The following SPRED2 variants were observed in gnomAD, a reference collection of about 807,000 sequenced individuals.
The protein encoded by SPRED2 is sprouty-related, EVH1 domain-containing protein 2.
A neutral mutation model predicts 43.0 loss-of-function variants in SPRED2; 47 were observed. That is an observed-to-expected ratio of 1.09 (90% CI 0.87 to 1.40). The LOEUF (loss-of-function observed/expected upper bound fraction) is 1.40. Ranked by LOEUF, SPRED2 falls within the 40% of genes most tolerant of loss-of-function variation. SPRED2 has a pLI of 0.00. For missense variants in SPRED2, 561 were observed against 586.4 expected (o/e 0.96, Z 0.45); for synonymous variants, 225 against 225.7 (o/e 1.00, Z 0.03).
At chr2:65,380,541 A>G (rs936306006) in intron 1 of SPRED2, 2 of 152,250 alleles carry the variant, frequency 1.3e-5, no homozygotes, top group Admixed American at 6.5e-5. Flanking sequence ...TTAAAATTTC[A>G]GTGGCTCAAA....
chr2:65,308,399 C>A, downstream of SPRED2: 3 of 985,440 alleles, frequency 3.0e-6, no homozygotes, highest in Non-Finnish European at 3.6e-6. Context: ...TGTGAACATA[C>A]CTGGAGGGGT....
chr2:65,381,891 C>T (rs534411376), intron 1 of SPRED2, among the ~76,000 whole-genome samples: 1 of 152,258 alleles, frequency 6.6e-6, no homozygotes, highest in Non-Finnish European at 1.5e-5. Flanking sequence ...ACCACACACA[C>T]CTTTTTCCTA....
chr2:65,312,202 A>C lies in SPRED2; in HGVS notation c.*1299T>G. 1 of 985,748 alleles carries C rather than the reference A, an allele frequency of 1.0e-6. No individual in the cohort carries two copies. Among genetic ancestry groups the C allele is most frequent in the Non-Finnish European group, 1.2e-6 (1 of 829,940 alleles). 61.1% of individuals were successfully genotyped at this position (985,748 alleles called of 1,614,324 possible). A position where few individuals can be genotyped will look rare whatever the true frequency, so the allele number is the denominator to read the frequency against. On this transcript the variant is annotated 3_prime_UTR_variant, in exon 6 of 6. Transcript: ENST00000356388. ...GGCGACAGGCAGAACCAGTTGGCTG[A>C]CCTAACCACCTGTGCACCCAAAGTG...
At position 65,338,946 on chromosome 2, in the gene SPRED2, C is replaced by T. The variant is rs542247268; in HGVS notation, c.205-4173G>A. On this transcript the variant is annotated intron_variant, in intron 2 of 5. Transcript: ENST00000356388. ...TGAGATGTGGGGAGCGCCTCTGCCC[C>T]GCCGCCCCGTCCGGGAGGTGAGGGG... is the stretch of plus-strand genomic sequence containing the variant. 2.4e-4 allele frequency among the ~76,000 whole-genome samples: 36 copies of T among 150,050 alleles called. No individual in the cohort carries two copies. In the East Asian group the frequency reaches 5.1e-3, roughly 21 times the overall value.
intron 1 of SPRED2, among the ~76,000 whole-genome samples, chr2:65,403,608 T>C (rs1317564230): frequency 6.6e-6 from 1 of 152,122 alleles, no homozygotes; most frequent in Non-Finnish European, 1.5e-5. Context: ...CTCAAAATAC[T>C]AAAGACTAAT....
At chr2:65,394,402 T>A (rs866755932) in intron 1 of SPRED2, among the ~76,000 whole-genome samples, 1 of 152,292 alleles carries the variant, frequency 6.6e-6, no homozygotes, top group Middle Eastern at 3.4e-3. Flanking sequence ...CAGCTGTGAA[T>A]GGACAGGAAC....
At chr2:65,383,232 G>T (rs1010706318) in intron 1 of SPRED2, among the ~76,000 whole-genome samples, 13 of 152,340 alleles carry the variant, frequency 8.5e-5, no homozygotes, top group African/African-American at 3.1e-4. Context: ...TTGTCTATCA[G>T]GTCTGAACTC....
At chr2:65,370,691 C>A (rs1361040850) in intron 1 of SPRED2, among the ~76,000 whole-genome samples, 1 of 152,178 alleles carries the variant, frequency 6.6e-6, no homozygotes, top group Non-Finnish European at 1.5e-5. Context: ...TTCACACTTT[C>A]CTTATAATGC....
At chr2:65,401,882 A>T (rs899435861) in intron 1 of SPRED2, among the ~76,000 whole-genome samples, 4 of 152,004 alleles carry the variant, frequency 2.6e-5, no homozygotes, top group Non-Finnish European at 1.5e-5. Context: ...ATATGCTAAC[A>T]TCTACACTAC....
At chr2:65,386,052 G>A (rs1015392168) in intron 1 of SPRED2, among the ~76,000 whole-genome samples, 2 of 152,078 alleles carry the variant, frequency 1.3e-5, no homozygotes, top group Non-Finnish European at 2.9e-5. Flanking sequence ...TGGGAAGCGG[G>A]GGCGGGAGGA....
chr2:65,360,104 A>C (rs554618135), intron 1 of SPRED2, among the ~76,000 whole-genome samples: 47 of 138,856 alleles, frequency 3.4e-4, no homozygotes, highest in African/African-American at 5.0e-4. Context: ...AAAAAACAAA[A>C]AAAAAAAAAA....
chr2:65,432,128 C>T lies in SPRED2; in HGVS notation c.-141G>A. 1.9e-6 allele frequency: 2 copies of T among 1,078,528 alleles called. No individual in the cohort carries two copies. The highest frequency in any genetic ancestry group is 3.1e-5 in the African/African-American group (2 of 64,386). The allele number at this position is 1,078,528 out of a possible 1,614,324, so 66.8% of individuals were successfully genotyped here. ...GCGGCTAGAGATGAAGAGGGCGCCG[C>T]AGCAGAAGGGGAAGCAGGGCGCGGG... On this transcript the variant is annotated 5_prime_UTR_variant, in exon 1 of 6. Coordinates refer to ENST00000356388, the MANE Select transcript of SPRED2 (RefSeq NM_181784.3).
downstream of SPRED2, among the ~76,000 whole-genome samples, chr2:65,307,270 A>G (rs959762651): frequency 1.3e-5 from 2 of 152,140 alleles, no homozygotes; most frequent in Admixed American, 1.3e-4. Context: ...ATCTCAGCTC[A>G]CTGCAGCCTT....
At chr2:65,318,088 G>A (rs1184686086) in intron 4 of SPRED2, among the ~76,000 whole-genome samples, 7 of 152,072 alleles carry the variant, frequency 4.6e-5, no homozygotes, top group African/African-American at 9.7e-5. Flanking sequence ...AGTCTTTCCC[G>A]TGCTGTCCTC....
intron 1 of SPRED2, among the ~76,000 whole-genome samples, chr2:65,358,603 T>C (rs1674721533): frequency 6.6e-6 from 1 of 152,252 alleles, no homozygotes; most frequent in Non-Finnish European, 1.5e-5. Flanking sequence ...TATAGACCTC[T>C]GCTAAAGCAG....
At position 65,332,018 on chromosome 2, in the gene SPRED2, T is replaced by C; in HGVS notation, c.407A>G (p.Glu136Gly). 1 of 1,609,954 alleles carries C rather than the reference T, an allele frequency of 6.2e-7. No individual in the cohort carries two copies. The change falls in exon 4 of 6, where the codon GAA becomes GGA. Residue 136 changes from glutamate (E) to glycine (G), a missense_variant. Physicochemically the swap from Glu to Gly is moderately conservative, Grantham distance 98. Around this residue, in one of 6 missense-constraint regions of SPRED2, gnomAD observed 305 missense variants for 282.4 expected, o/e 1.08. Transcript: ENST00000356388. Reference sequence around the variant, plus strand: ...AACGTCATCATCGCCAAGCTCAGCTTCATTATGGATGGTGGAAGATGACGT... The same window carrying C: ...AACGTCATCATCGCCAAGCTCAGCTCCATTATGGATGGTGGAAGATGACGT... ...STTSSSTIHN[E>G]AELGDDDVFT...
At chr2:65,367,710 T>C (rs1290455629) in intron 1 of SPRED2, among the ~76,000 whole-genome samples, 3 of 152,206 alleles carry the variant, frequency 2.0e-5, no homozygotes, top group Admixed American at 6.5e-5. Flanking sequence ...TGTTTCCTTA[T>C]GCATTCTCTG....
At chr2:65,366,555 AAAAAATAAAGTTCATGT>A in intron 1 of SPRED2, 3 of 1,545,248 alleles carry the variant, frequency 1.9e-6, no homozygotes, top group Non-Finnish European at 2.6e-6. Context: ...GAGAACAATG[AAAAAATAAAGTTCATGT>A]AAACAGTAAG....
At chr2:65,329,238 T>A (rs934758704) in intron 4 of SPRED2, among the ~76,000 whole-genome samples, 4 of 152,224 alleles carry the variant, frequency 2.6e-5, no homozygotes, top group African/African-American at 9.6e-5. Flanking sequence ...AGTGCTCATG[T>A]CCCTGGCTCT....
Sources: gnomAD v4.1 joint callset for allele counts (sites outside exome capture counted in the v4.1 genomes callset) on GRCh38, gnomAD v4.1.1 for gene constraint, gnomAD v4.1.1 regional missense constraint, MANE v1.5 for transcripts, NCBI Gene and HGNC (gene_info 2026-07-23, HGNC 2026-07-21) for gene names.